The following DROSHA variants were observed in gnomAD, a reference collection of about 807,000 sequenced individuals.
The protein encoded by DROSHA is drosha ribonuclease III, also known as ribonuclease 3.
A neutral mutation model predicts 181.9 loss-of-function variants in DROSHA; 56 were observed. The observed-to-expected ratio is 0.31, with a 90% CI of 0.25 to 0.38. The LOEUF is 0.38. DROSHA is among the 10% of genes least tolerant of loss of function. The pLI is 1.00. For synonymous variants in DROSHA, 524 were observed against 591.2 expected, an observed-to-expected ratio of 0.89 and a Z score of 1.65; for missense variants, 1,218 against 1,743.5, an observed-to-expected ratio of 0.70 and a Z score of 5.37.
intron 19 of DROSHA, among the ~76,000 whole-genome samples, chr5:31,464,633 A>G (rs1323970068): frequency 1.3e-5 from 2 of 150,862 alleles, no homozygotes; most frequent in Non-Finnish European, 2.9e-5. Flanking sequence ...TGATAAAGGA[A>G]GCAAAATGTG....
intron 34 of DROSHA, among the ~76,000 whole-genome samples, chr5:31,406,308 C>T (rs912070680): frequency 2.0e-5 from 3 of 151,922 alleles, no homozygotes; most frequent in Admixed American, 6.6e-5. Flanking sequence ...GTCAGAAGTT[C>T]GAGACCAGCT....
At chr5:31,464,465 C>G (rs1748782424) in intron 19 of DROSHA, 122 bp from the exon 20 acceptor site, 3 of 820,528 alleles carry the variant, frequency 3.7e-6, no homozygotes, top group Non-Finnish European at 5.8e-6. Context: ...GATACTCAAA[C>G]CTCTTCATAC....
At chr5:31,416,308 G>A (rs771792563) in intron 30 of DROSHA, among the ~76,000 whole-genome samples, 3 of 152,110 alleles carry the variant, frequency 2.0e-5, no homozygotes, top group African/African-American at 7.2e-5. Context: ...TAAAGCAACA[G>A]TCCACTTCCC....
intron 15 of DROSHA, among the ~76,000 whole-genome samples, chr5:31,484,631 A>G (rs889606650): frequency 5.9e-5 from 9 of 152,336 alleles, no homozygotes; most frequent in African/African-American, 2.2e-4. Flanking sequence ...GTAGCTACAC[A>G]TAATAACTGG....
chr5:31,507,484 C>A (rs1738125202), intron 10 of DROSHA, among the ~76,000 whole-genome samples: 1 of 150,522 alleles, frequency 6.6e-6, no homozygotes, highest in South Asian at 2.1e-4. Context: ...ACTAGCCAGG[C>A]ATAGTGGGAC....
chr5:31,511,229 A>G (rs1738632695), intron 8 of DROSHA, 53 bp from the exon 9 acceptor site: 5 of 1,498,322 alleles, frequency 3.3e-6, no homozygotes, highest in Non-Finnish European at 3.6e-6. Flanking sequence ...CGATCATATC[A>G]AAGATATGTA....
chr5:31,468,630 G>A (rs1012338276), intron 17 of DROSHA, among the ~76,000 whole-genome samples: 1 of 152,084 alleles, frequency 6.6e-6, no homozygotes, highest in African/African-American at 2.4e-5. Flanking sequence ...TTTTCTTCAT[G>A]TCTAATAAAG....
intron 11 of DROSHA, among the ~76,000 whole-genome samples, chr5:31,499,221 C>T (rs1561258241): frequency 6.6e-6 from 1 of 152,212 alleles, no homozygotes; most frequent in Non-Finnish European, 1.5e-5. Context: ...GTGGGCCTCA[C>T]TCACAGTTCA....
Position 31,511,099 on chromosome 5 carries a change from T to G in DROSHA, c.1368A>C (p.Gln456His), listed in dbSNP as rs777011909. Residue 456 changes from glutamine to histidine, a missense_variant, in exon 9 of 36, where the codon CAA becomes CAC. By Grantham distance (24) the Gln-to-His change is conservative. Transcript: ENST00000344624. ...DKFEEELGSRQEKAKAARPPW... is the reference protein window; with the variant it reads ...DKFEEELGSRHEKAKAARPPW... ...GAGGCCGAGCAGCTTTGGCCTTTTC[T>G]TGCCTGCTCCCCAACTCCTCCTCAA... is the stretch of plus-strand genomic sequence containing the variant. The G allele has an allele frequency of 4.3e-6, 7 of 1,613,930 alleles. No homozygotes were observed. The South Asian group carries it at 7.7e-5, about 18-fold the overall frequency.
At chr5:31,425,480 T>C (rs1225352453) in intron 27 of DROSHA, among the ~76,000 whole-genome samples, 1 of 152,162 alleles carries the variant, frequency 6.6e-6, no homozygotes, top group Non-Finnish European at 1.5e-5. Context: ...CTTACAACTT[T>C]CTCTCAATGC....
chr5:31,401,097 T>C lies in DROSHA; in HGVS notation c.*335A>G. Reference sequence around the variant, plus strand: ...CAATTTTTTACTTGTCAATTGAAAGTCTAGGGTCACAATCTGGGACACAGA... The same window carrying C: ...CAATTTTTTACTTGTCAATTGAAAGCCTAGGGTCACAATCTGGGACACAGA... On this transcript the variant is annotated 3_prime_UTR_variant, in exon 36 of 36. Transcript: ENST00000344624. The C allele has an allele frequency of 3.4e-6, 1 of 290,746 alleles. No individual in the cohort carries two copies. The highest frequency in any genetic ancestry group is 3.1e-5 in the South Asian group (1 of 32,062). 18.0% of individuals were successfully genotyped at this position (290,746 alleles called of 1,614,324 possible). A position where few individuals can be genotyped will look rare whatever the true frequency, so the allele number is the denominator to read the frequency against.
chr5:31,511,247 A>C, intron 8 of DROSHA, 71 bp from the exon 9 acceptor site: 31 of 1,418,536 alleles, frequency 2.2e-5, no homozygotes, highest in Non-Finnish European at 2.7e-5. Flanking sequence ...GTAAGATCTC[A>C]CAGGTAATCA....
chr5:31,451,278 G>A (rs1229220473), intron 21 of DROSHA, among the ~76,000 whole-genome samples: 2 of 152,174 alleles, frequency 1.3e-5, no homozygotes, highest in Non-Finnish European at 2.9e-5. Context: ...CCATAAAGGA[G>A]GAAAAGTCGG....
At chr5:31,489,786 A>G (rs1193400799) in intron 13 of DROSHA, among the ~76,000 whole-genome samples, 1 of 152,250 alleles carries the variant, frequency 6.6e-6, no homozygotes, top group Non-Finnish European at 1.5e-5. Flanking sequence ...TGGGAAGCCA[A>G]CTAAAGTGGG....
In DROSHA at chr5:31,495,779, C is replaced by T. The variant is rs79787500; in HGVS notation, c.1669-407G>A. On this transcript the variant is annotated intron_variant, in intron 11 of 35. Transcript: ENST00000344624. ...TCTGGGTCGGTGGGTGAGCAGGCCA[C>T]GTCAGTTGTAAGGAGGGTCTGAAGG... Among the ~76,000 whole-genome samples the T allele has an allele frequency of 9.7e-3, 1,483 of 152,278 alleles. 32 individuals are homozygous for T. Among genetic ancestry groups the T allele is most frequent in the African/African-American group, 0.034 (1,394 of 41,560 alleles).
rs561439881 is a variant in DROSHA, at chr5:31,437,792, T to C, written c.2883-494A>G. On this transcript the variant is annotated intron_variant, in intron 23 of 35. Transcript: ENST00000344624. Reference sequence around the variant, plus strand: ...AGTCTCATTACCCACTCCTACCCTATCCTATCTACTCATTGGGCCCTGCTC... The same window carrying C: ...AGTCTCATTACCCACTCCTACCCTACCCTATCTACTCATTGGGCCCTGCTC... Among the ~76,000 whole-genome samples the C allele has an allele frequency of 8.9e-4, 136 of 152,168 alleles. 1 individual carries two copies. Among genetic ancestry groups the C allele is most frequent in the African/African-American group, 3.1e-3 (129 of 41,538 alleles).
chr5:31,437,319 G>T, intron 23 of DROSHA, 21 bp from the exon 24 acceptor site: 1 of 1,554,232 alleles, frequency 6.4e-7, no homozygotes, highest in Non-Finnish European at 8.7e-7. Context: ...AATTAAAAAG[G>T]TTACTTAATA....
chr5:31,428,304 A>C (rs916245913), intron 27 of DROSHA, among the ~76,000 whole-genome samples: 8 of 151,976 alleles, frequency 5.3e-5, no homozygotes, highest in African/African-American at 1.4e-4. Context: ...AAGGAGTCTA[A>C]AGGGTGCTGG....
rs1427406017 is a variant in DROSHA at position 31,424,444 on chromosome 5, G to A, written c.3244C>T (p.Pro1082Ser). ...PDLREVWLNYPLHPLQLQEPN... is the reference protein window; with the variant it reads ...PDLREVWLNYSLHPLQLQEPN... ...ATACTTACTTGGAGTGGGTGGAGAG[G>A]ATAATTGAGCCAGACTTCGCGCAGG... The change falls in exon 28 of 36, where the codon CCT becomes TCT. Residue 1082 changes from proline to serine, a missense_variant. Coordinates refer to ENST00000344624, the MANE Select transcript of DROSHA (RefSeq NM_001382508.1). 1.3e-6 allele frequency: 2 copies of A among 1,598,636 alleles called. No homozygotes were observed. The highest frequency in any genetic ancestry group is 1.7e-6 in the Non-Finnish European group (2 of 1,172,636).
Sources: allele counts gnomAD v4.1 joint callset (sites outside exome capture counted in the v4.1 genomes callset), GRCh38; gene constraint gnomAD v4.1.1; transcripts MANE v1.5; gene names NCBI Gene and HGNC (gene_info 2026-07-23, HGNC 2026-07-21).